The following NRXN2 variants were observed in gnomAD, a reference collection of about 807,000 sequenced individuals.
The protein encoded by NRXN2 is neurexin 2.
A neutral mutation model predicts 128.8 loss-of-function variants in NRXN2; 29 were observed. That is an observed-to-expected ratio of 0.23 (90% CI 0.17 to 0.31). The LOEUF (loss-of-function observed/expected upper bound fraction) is 0.31. NRXN2 is among the 10% of genes least tolerant of loss of function. The pLI is 1.00. For missense variants in NRXN2, 1,881 were observed against 2,452.6 expected, an observed-to-expected ratio of 0.77 and a Z score of 4.92; for synonymous variants, 1,098 against 1,075.2, an observed-to-expected ratio of 1.02 and a Z score of -0.41.
Position 64,713,145 on chromosome 11 carries a change from G to A in NRXN2, c.555C>T (p.Gly185=), listed in dbSNP as rs993289093. 20 of 1,439,900 alleles carry A rather than the reference G, an allele frequency of 1.4e-5. No homozygotes were observed. In the South Asian group the frequency reaches 2.3e-4, roughly 17 times the overall value. 89.2% of individuals were successfully genotyped at this position (1,439,900 alleles called of 1,614,324 possible). A position where few individuals can be genotyped will look rare whatever the true frequency, so the allele number is the denominator to read the frequency against. ...TGCCCAGCAGCGCGGGGGGCCGCTC[G>A]CCCAGCTTCAGGTTGGCCAAGAGGC... ...FRGLLANLKL[G]ERPPALLGSQ... Residue 185 remains glycine, a synonymous_variant, in exon 2 of 23, where the codon GGC becomes GGT. Coordinates refer to ENST00000265459, the MANE Select transcript of NRXN2 (RefSeq NM_015080.4).
rs2053393555 is a variant in NRXN2, at chr11:64,688,517, AGG to A, written c.850+1886_850+1887del. The A allele has an allele frequency of 4.1e-6, 4 of 985,202 alleles. No homozygotes were observed. In the African/African-American group the frequency reaches 7.0e-5, roughly 17 times the overall value. 61.0% of individuals were successfully genotyped at this position (985,202 alleles called of 1,614,324 possible). On this transcript the variant is annotated intron_variant, in intron 5 of 22. Coordinates refer to ENST00000265459, the MANE Select transcript of NRXN2 (RefSeq NM_015080.4). ...TGGGGTGAGCCTGTAGGGGCGGCGGAGGGGCTCAGCAGAGCACAAACAAGATC... is the reference window on the plus strand; with the variant it reads ...TGGGGTGAGCCTGTAGGGGCGGCGGAGGCTCAGCAGAGCACAAACAAGATC...
rs931038303 is a variant in NRXN2 at position 64,632,806 on chromosome 11, G to A, written c.3586-2233C>T. 2.0e-5 allele frequency among the ~76,000 whole-genome samples: 3 copies of A among 152,226 alleles called. No homozygotes were observed. The highest frequency in any genetic ancestry group is 4.4e-5 in the Non-Finnish European group (3 of 68,040). ...CTCATTAGGCGGCGGTGGGGAGAAC[G>A]AAGCCGCTCCTACAGCAAATAATTA... On this transcript the variant is annotated intron_variant, in intron 18 of 22. Transcript: ENST00000265459. The surrounding 1 kb of genome is among the most constrained non-coding windows in gnomAD (Gnocchi z 4.2).
In NRXN2 at chr11:64,635,135, C is replaced by T; in HGVS notation, c.3585+136G>A. On this transcript the variant is annotated intron_variant, in intron 18 of 22. Coordinates refer to ENST00000265459, the MANE Select transcript of NRXN2 (RefSeq NM_015080.4). The surrounding 1 kb of genome is among the most constrained non-coding windows in gnomAD (Gnocchi z 4.8). ...AGCAGAACTTCTTAGCAGGAAGCTC[C>T]AGCAATGAGGGAACAGAGGTTCTGA... 1.0e-6 allele frequency: 1 copy of T among 969,970 alleles called. No individual in the cohort carries two copies. The allele number at this position is 969,970 out of a possible 1,614,324, so 60.1% of individuals were successfully genotyped here.
chr11:64,707,312 G>T (rs183077126), intron 2 of NRXN2, among the ~76,000 whole-genome samples: 1 of 151,748 alleles, frequency 6.6e-6, no homozygotes, highest in Non-Finnish European at 1.5e-5. Flanking sequence ...GCGTGAACCC[G>T]GGAGGCAGAG....
At chr11:64,621,314 T>G (rs900083586) in intron 21 of NRXN2, among the ~76,000 whole-genome samples, 1 of 152,172 alleles carries the variant, frequency 6.6e-6, no homozygotes, top group African/African-American at 2.4e-5. Flanking sequence ...ACCAGGATGA[T>G]CTGCCCATCA....
rs2135370624 is a variant in NRXN2, at chr11:64,630,643, G to C, written c.3586-70C>G. ...TTCATCCCTTCTAGTGGCTACTCCT[G>C]TGACCACCACTAGCCCAGCTCCGCA... On this transcript the variant is annotated intron_variant, in intron 18 of 22. Coordinates refer to ENST00000265459, the MANE Select transcript of NRXN2 (RefSeq NM_015080.4). The surrounding 1 kb of genome is among the most constrained non-coding windows in gnomAD (Gnocchi z 4.6). The C allele has an allele frequency of 6.4e-7, 1 of 1,568,758 alleles. No homozygotes were observed. Among genetic ancestry groups the C allele is most frequent in the Non-Finnish European group, 8.7e-7 (1 of 1,144,524 alleles).
At chr11:64,694,476 G>A (rs750017479) in intron 3 of NRXN2, among the ~76,000 whole-genome samples, 6 of 152,234 alleles carry the variant, frequency 3.9e-5, no homozygotes, top group Non-Finnish European at 7.3e-5. Flanking sequence ...CCCCGTGGCA[G>A]ATGGTTCACA....
At chr11:64,671,001 C>A (rs2050558027) in intron 7 of NRXN2, among the ~76,000 whole-genome samples, 1 of 152,196 alleles carries the variant, frequency 6.6e-6, no homozygotes. Flanking sequence ...CAAAGTCACC[C>A]TCCCTTTGCA....
At position 64,660,950 on chromosome 11, in the gene NRXN2, A is replaced by G; in HGVS notation, c.1988T>C (p.Ile663Thr). ...GYVGCVRDLFIDGRSRDLRGL... is the reference protein window; with the variant it reads ...GYVGCVRDLFTDGRSRDLRGL... ...CCGGAGGTCTCGGCTACGCCCATCT[A>G]TGAAGAGGTCCCGCACACAGCCCAC... The change falls in exon 10 of 23, where the codon ATA becomes ACA. Residue 663 changes from isoleucine (I) to threonine (T), a missense_variant. Ile to Thr is a moderately conservative substitution (Grantham distance 89). Transcript: ENST00000265459. The surrounding 1 kb of genome is among the most constrained non-coding windows in gnomAD (Gnocchi z 5.2). The G allele has an allele frequency of 6.2e-7, 1 of 1,613,850 alleles. No homozygotes were observed. Among genetic ancestry groups the G allele is most frequent in the Non-Finnish European group, 8.5e-7 (1 of 1,179,968 alleles).
At chr11:64,650,402 G>C in intron 15 of NRXN2, 46 bp downstream of exon 15, 1 of 1,597,770 alleles carries the variant, frequency 6.3e-7, no homozygotes, top group Non-Finnish European at 8.6e-7. Context: ...TGGGGTGAGG[G>C]GTATCTGGGC....
intron 2 of NRXN2, among the ~76,000 whole-genome samples, chr11:64,704,623 C>CAGAG (rs61394963): frequency 0.1 from 8,282 of 80,944 alleles, 884 homozygotes; most frequent in Non-Finnish European, 0.15. Context: ...CACACACACA[C>CAGAG]AGAGAGAGAG....
intron 9 of NRXN2, among the ~76,000 whole-genome samples, chr11:64,664,478 C>CAA (rs11378464): frequency 0.017 from 1,683 of 98,582 alleles, 52 homozygotes; most frequent in African/African-American, 0.05. Flanking sequence ...AACTCCGTGT[C>CAA]AAAAAAAAAA....
chr11:64,670,299 T>C (rs2050455598), intron 7 of NRXN2, among the ~76,000 whole-genome samples: 1 of 152,076 alleles, frequency 6.6e-6, no homozygotes, highest in African/African-American at 2.4e-5. Flanking sequence ...CATTATCGTT[T>C]ATTTCTTCTT....
intron 17 of NRXN2, among the ~76,000 whole-genome samples, chr11:64,636,844 G>C (rs1203436333): frequency 6.6e-6 from 1 of 152,032 alleles, no homozygotes; most frequent in Non-Finnish European, 1.5e-5. Flanking sequence ...CAGGTACCTC[G>C]GGGTCTCTCG....
At chr11:64,706,853 G>C (rs1358764403) in intron 2 of NRXN2, among the ~76,000 whole-genome samples, 1 of 151,948 alleles carries the variant, frequency 6.6e-6, no homozygotes, top group African/African-American at 2.4e-5. Context: ...CCTGCACTTT[G>C]CTTGTAAGAG....
chr11:64,617,325 T>G (rs1462382461), intron 22 of NRXN2, among the ~76,000 whole-genome samples: 1 of 152,128 alleles, frequency 6.6e-6, no homozygotes, highest in Non-Finnish European at 1.5e-5. Context: ...GCTCTTCTCT[T>G]CCTGCACGTC....
intron 22 of NRXN2, among the ~76,000 whole-genome samples, chr11:64,611,845 C>T (rs891545301): frequency 1.3e-5 from 2 of 152,100 alleles, no homozygotes; most frequent in Non-Finnish European, 2.9e-5. Flanking sequence ...CTGGGCCCTT[C>T]TCTGCCCAAG....
At chr11:64,654,703 T>G (rs1169373663) in intron 11 of NRXN2, among the ~76,000 whole-genome samples, 1 of 152,222 alleles carries the variant, frequency 6.6e-6, no homozygotes, top group African/African-American at 2.4e-5. Flanking sequence ...CAGGGTCCTA[T>G]GAAGTCCAGA....
chr11:64,644,579 A>C (rs1401368046), intron 17 of NRXN2, among the ~76,000 whole-genome samples: 1 of 152,226 alleles, frequency 6.6e-6, no homozygotes, highest in African/African-American at 2.4e-5. Flanking sequence ...CTGTGGCCCC[A>C]GAGGTAAGCA....
Sources: gnomAD v4.1 joint callset for allele counts (sites outside exome capture counted in the v4.1 genomes callset) on GRCh38, gnomAD v4.1.1 for gene constraint, Gnocchi (gnomAD v3.1) non-coding constraint, MANE v1.5 for transcripts, NCBI Gene and HGNC (gene_info 2026-07-23, HGNC 2026-07-21) for gene names.